The following TRIP12 variants were observed in gnomAD, a reference collection of about 807,000 sequenced individuals.
TRIP12 encodes E3 ubiquitin-protein ligase TRIP12.
In TRIP12, 25 loss-of-function variants were observed where a neutral mutation model predicts 244.2. The observed-to-expected ratio is 0.10, with a 90% CI of 0.07 to 0.14. The LOEUF is 0.14. TRIP12 is among the 10% of genes least tolerant of loss of function. The pLI is 1.00. For missense variants in TRIP12, 1,677 were observed against 2,486.4 expected (o/e 0.67, Z 6.92); for synonymous variants, 905 against 873.1 (o/e 1.04, Z -0.64).
chr2:229,768,494 A>C (rs1173144048), intron 41 of TRIP12, 122 bp downstream of exon 41: 1 of 810,644 alleles, frequency 1.2e-6, no homozygotes, highest in Admixed American at 2.8e-5. Flanking sequence ...CTATAATGAT[A>C]CTGGAATAAC....
chr2:229,790,508 T>C (rs2041193251), intron 30 of TRIP12, among the ~76,000 whole-genome samples: 1 of 122,630 alleles, frequency 8.2e-6, no homozygotes, highest in African/African-American at 3.2e-5. Flanking sequence ...TGAAAATTAC[T>C]GTGGTGGCGG....
chr2:229,917,600 T>C (rs564503092), intron 1 of TRIP12, among the ~76,000 whole-genome samples: 2 of 151,904 alleles, frequency 1.3e-5, no homozygotes, highest in Non-Finnish European at 2.9e-5. Context: ...CACTAAAACA[T>C]GGCAGTGACA....
At chr2:229,781,884 T>C (rs1446083389) in intron 34 of TRIP12, among the ~76,000 whole-genome samples, 3 of 152,156 alleles carry the variant, frequency 2.0e-5, no homozygotes, top group African/African-American at 7.2e-5. Context: ...CCTGGAATCT[T>C]TTCCGAGGTC....
intron 15 of TRIP12, 81 bp from the exon 16 acceptor site, chr2:229,808,450 G>A (rs2046422262): frequency 2.3e-6 from 2 of 854,830 alleles, no homozygotes; most frequent in Non-Finnish European, 1.9e-6. Flanking sequence ...TGCCCAAGGG[G>A]GGAAAATAAT....
chr2:229,824,272 T>A lies in TRIP12; in HGVS notation c.1450+4921A>T, dbSNP rs150879330. On this transcript the variant is annotated intron_variant, in intron 8 of 41. Coordinates refer to ENST00000675903, the MANE Select transcript of TRIP12 (RefSeq NM_001348323.3). ...GATACATATAACTAAAAAAAGTTAATATTAGAGAAACAATGAATTTTGGTA... is the reference window on the plus strand; with the variant it reads ...GATACATATAACTAAAAAAAGTTAAAATTAGAGAAACAATGAATTTTGGTA... 1.6e-4 allele frequency among the ~76,000 whole-genome samples: 24 copies of A among 152,278 alleles called. 1 individual carries two copies. The East Asian group carries it at 4.6e-3, about 29-fold the overall frequency.
chr2:229,778,513 G>T lies in TRIP12; in HGVS notation c.5284C>A (p.Pro1762Thr). The change falls in exon 36 of 42, where the codon CCA becomes ACA. Residue 1762 changes from proline (P) to threonine (T), a missense_variant. Around this residue, in one of 11 missense-constraint regions of TRIP12, gnomAD observed 171 missense variants for 388.4 expected, o/e 0.44. Transcript: ENST00000675903. This position sits in a 1 kb window ranked among gnomAD's most constrained non-coding sequence, Gnocchi z 4.1. ...ATCTTAACCTTTGCGATATGAGCTGGCTTTGCTGTCCTACCAAAGGGAAGC... is the reference window on the plus strand; with the variant it reads ...ATCTTAACCTTTGCGATATGAGCTGTCTTTGCTGTCCTACCAAAGGGAAGC... ...FALPFGRTAK[P>T]AHIAKVKMKF... 1 of 1,614,016 alleles carries T rather than the reference G, an allele frequency of 6.2e-7. No individual in the cohort carries two copies. The highest frequency in any genetic ancestry group is 8.5e-7 in the Non-Finnish European group (1 of 1,179,936).
rs374231767 is a variant in TRIP12 at position 229,792,183 on chromosome 2, A to G, written c.4185T>C (p.Asp1395=). 35 of 1,613,836 alleles carry G rather than the reference A, an allele frequency of 2.2e-5. No individual in the cohort carries two copies. In the East Asian group the frequency reaches 5.3e-4, roughly 25 times the overall value. The change falls in exon 28 of 42, where the codon GAT becomes GAC. Residue 1395 remains aspartate (D), a synonymous_variant. Transcript: ENST00000675903. ...VREDDEDSDD[D]GSDEEIDESL... ...ACTCATCTATTTCCTCATCTGATCCATCGTCATCGCTGTCTTCATCATCTT... is the reference window on the plus strand; with the variant it reads ...ACTCATCTATTTCCTCATCTGATCCGTCGTCATCGCTGTCTTCATCATCTT...
At chr2:229,788,655 G>A in intron 32 of TRIP12, 143 bp downstream of exon 32, 1 of 1,125,532 alleles carries the variant, frequency 8.9e-7, no homozygotes, top group Non-Finnish European at 1.3e-6. Context: ...ACATGCTAAA[G>A]CCACACAATT....
chr2:229,902,276 G>A (rs1010991317), intron 1 of TRIP12, among the ~76,000 whole-genome samples: 5 of 151,942 alleles, frequency 3.3e-5, no homozygotes, highest in South Asian at 4.1e-4. Flanking sequence ...CCAGCTACTC[G>A]GGAGGCTGAG....
chr2:229,782,118 A>T (rs2154249792), intron 34 of TRIP12, among the ~76,000 whole-genome samples: 1 of 152,338 alleles, frequency 6.6e-6, no homozygotes, highest in Non-Finnish European at 1.5e-5. Flanking sequence ...GACTAAAAAC[A>T]TACCAAATGG....
rs772616296 is a variant in TRIP12, at chr2:229,799,371, A to T, written c.3219T>A (p.Asp1073Glu). The T allele has an allele frequency of 1.2e-6, 2 of 1,614,132 alleles. No individual in the cohort carries two copies. Among genetic ancestry groups the T allele is most frequent in the Non-Finnish European group, 8.5e-7 (1 of 1,179,976 alleles). Residue 1073 changes from aspartate (D) to glutamate (E), a missense_variant, in exon 22 of 42, where the codon GAT (aspartate) becomes GAA (glutamate). By Grantham distance (45) the Asp-to-Glu change is conservative. Coordinates refer to ENST00000675903, the MANE Select transcript of TRIP12 (RefSeq NM_001348323.3). ...LDLSPQGRLS[D>E]VLKRKRLPKR... Reference sequence around the variant, plus strand: ...TTGGCAGTCGTTTTCTCTTTAGAACATCACTTAATCGACTGTCCATGGGAA... The same window carrying T: ...TTGGCAGTCGTTTTCTCTTTAGAACTTCACTTAATCGACTGTCCATGGGAA...
At chr2:229,789,424 A>G (rs1437405095) in intron 31 of TRIP12, among the ~76,000 whole-genome samples, 187 bp downstream of exon 31, 6 of 152,252 alleles carry the variant, frequency 3.9e-5, no homozygotes, top group African/African-American at 1.4e-4. Context: ...ATCTGCCAAG[A>G]GAATTAATCT....
chr2:229,891,241 T>C lies in TRIP12; in HGVS notation c.-49-11113A>G, dbSNP rs151289046. 8.8e-3 allele frequency among the ~76,000 whole-genome samples: 1,330 copies of C among 151,382 alleles called. 16 individuals carry two copies. The highest frequency in any genetic ancestry group is 0.03 in the African/African-American group (1,253 of 41,230). ...TTTGAGACCAGCCTAGGCAACATGG[T>C]GAAACCCCCTCTCTACCAAAAAAAA... On this transcript the variant is annotated intron_variant, in intron 1 of 41. Coordinates refer to ENST00000675903, the MANE Select transcript of TRIP12 (RefSeq NM_001348323.3).
At chr2:229,885,717 C>A (rs2065878294) in intron 1 of TRIP12, among the ~76,000 whole-genome samples, 1 of 152,190 alleles carries the variant, frequency 6.6e-6, no homozygotes, top group Non-Finnish European at 1.5e-5. Context: ...TAACCCTTAA[C>A]ATTCCCCAAA....
intron 8 of TRIP12, among the ~76,000 whole-genome samples, chr2:229,826,910 G>A (rs2051796129): frequency 6.6e-6 from 1 of 152,078 alleles, no homozygotes; most frequent in South Asian, 2.1e-4. Flanking sequence ...GAGTGTGAAA[G>A]CCTAGACTAT....
chr2:229,786,794 T>C (rs1276053066), intron 33 of TRIP12, among the ~76,000 whole-genome samples: 1 of 152,086 alleles, frequency 6.6e-6, no homozygotes, highest in Admixed American at 6.5e-5. Context: ...CTCCCTGCCA[T>C]CCATCTAACT....
At chr2:229,866,203 G>C (rs17258249) in intron 2 of TRIP12, among the ~76,000 whole-genome samples, 186 of 152,296 alleles carry the variant, frequency 1.2e-3, no homozygotes, top group Non-Finnish European at 2.2e-3. Context: ...GTTTTGCACA[G>C]TTCTTACATA....
chr2:229,907,158 A>G (rs1002085108), intron 1 of TRIP12, among the ~76,000 whole-genome samples: 9 of 152,226 alleles, frequency 5.9e-5, no homozygotes, highest in Non-Finnish European at 1.3e-4. Flanking sequence ...ATTGCCACCA[A>G]CTGTGAAAAT....
Position 229,778,729 on chromosome 2 carries a change from G to A in TRIP12, c.5210-142C>T, listed in dbSNP as rs1257758096. ...AATGAAGTCCTCTAGAACTGGACAG[G>A]CCTTCCCTATTTGATAAATGAGAAA... On this transcript the variant is annotated intron_variant, in intron 35 of 41. Coordinates refer to ENST00000675903, the MANE Select transcript of TRIP12 (RefSeq NM_001348323.3). This position sits in a 1 kb window ranked among gnomAD's most constrained non-coding sequence, Gnocchi z 4.1. 1 of 1,341,032 alleles carries A rather than the reference G, an allele frequency of 7.5e-7. No homozygotes were observed. The highest frequency in any genetic ancestry group is 1.0e-6 in the Non-Finnish European group (1 of 971,772). The allele number at this position is 1,341,032 out of a possible 1,614,324, so 83.1% of individuals were successfully genotyped here. A position where few individuals can be genotyped will look rare whatever the true frequency, so the allele number is the denominator to read the frequency against.
Sources: allele counts gnomAD v4.1 joint callset (sites outside exome capture counted in the v4.1 genomes callset), GRCh38; gene constraint gnomAD v4.1.1; regional missense constraint gnomAD v4.1.1; non-coding constraint Gnocchi (gnomAD v3.1); transcripts MANE v1.5; gene names NCBI Gene and HGNC (gene_info 2026-07-23, HGNC 2026-07-21).